The following BLVRB variants were observed in gnomAD, a reference collection of about 807,000 sequenced individuals.
BLVRB encodes the protein biliverdin reductase B, also known as flavin reductase (NADPH).
BLVRB carries 25 observed loss-of-function variants against 21.1 expected under a neutral mutation model. The ratio of observed to expected loss-of-function variants is 1.19; its 90% CI spans 0.86 to 1.66. The LOEUF (loss-of-function observed/expected upper bound fraction) is 1.66. Among genes scored for constraint, BLVRB ranks in the 40% most tolerant of loss-of-function variants. The pLI is 0.00. For synonymous variants in BLVRB, 128 were observed against 122.2 expected (o/e 1.05, Z -0.31); for missense variants, 274 against 282.7 (o/e 0.97, Z 0.22).
At chr19:40,459,986 A>G (rs1369648978) in intron 1 of BLVRB, among the ~76,000 whole-genome samples, 1 of 152,128 alleles carries the variant, frequency 6.6e-6, no homozygotes, top group East Asian at 1.9e-4. Flanking sequence ...TGGGTTGCCT[A>G]CAGACTGACC....
At chr19:40,454,468 G>A (rs115780764) in intron 3 of BLVRB, among the ~76,000 whole-genome samples, 13 of 152,112 alleles carry the variant, frequency 8.5e-5, no homozygotes, top group African/African-American at 3.1e-4. Flanking sequence ...GCGGTGCAGA[G>A]TGTGAAGTGG....
In BLVRB at chr19:40,465,632, G is replaced by A. The variant is rs1451849136; in HGVS notation, c.57C>T (p.Thr19=). The A allele has an allele frequency of 3.1e-6, 5 of 1,612,448 alleles. No individual in the cohort carries two copies. The African/African-American group carries it at 6.7e-5, about 22-fold the overall frequency. Residue 19 remains threonine, a synonymous_variant, in exon 1 of 5, where the codon ACC becomes ACT. Transcript: ENST00000263368. ...TGCCTGCTTGCACCGCCTGCGCCAG[G>A]GTGGTGAGCCCGGTCTGGCCAGTGG... ...FGATGQTGLT[T]LAQAVQAGYE... is the part of the protein sequence containing the mutation.
At chr19:40,458,611 T>C in intron 1 of BLVRB, 66 bp from the exon 2 acceptor site, 1 of 1,481,014 alleles carries the variant, frequency 6.8e-7, no homozygotes. Context: ...AGGAGCTGGG[T>C]CCTAGAAGCC....
intron 3 of BLVRB, among the ~76,000 whole-genome samples, chr19:40,456,750 G>C (rs1312048260): frequency 6.6e-6 from 1 of 152,040 alleles, no homozygotes; most frequent in Non-Finnish European, 1.5e-5. Flanking sequence ...AGCAGGGCAT[G>C]GTGGCAGGCG....
At chr19:40,448,607 AAAT>A (rs1250576010) in intron 4 of BLVRB, among the ~76,000 whole-genome samples, 554 of 41,286 alleles carry the variant, frequency 0.013, 3 homozygotes, top group African/African-American at 0.061. Flanking sequence ...CAACAACAAC[AAAT>A]ATATATATAT....
At chr19:40,456,289 G>A (rs2145779833) in intron 3 of BLVRB, among the ~76,000 whole-genome samples, 1 of 152,128 alleles carries the variant, frequency 6.6e-6, no homozygotes, top group South Asian at 2.1e-4. Flanking sequence ...TGGACTCAAT[G>A]GCTCATACCT....
intron 1 of BLVRB, among the ~76,000 whole-genome samples, chr19:40,460,247 C>CATATATATATATATATATATAT (rs57153004): frequency 6.2e-4 from 75 of 121,116 alleles, no homozygotes; most frequent in African/African-American, 2.2e-3. Flanking sequence ...GTAATAGCAA[C>CATATATATATATATATATATAT]ATATATATAT....
intron 1 of BLVRB, among the ~76,000 whole-genome samples, chr19:40,463,671 T>G (rs1001316195): frequency 2.0e-5 from 3 of 149,454 alleles, no homozygotes; most frequent in African/African-American, 7.4e-5. Flanking sequence ...GGTGCAGTGA[T>G]GCAATCTTAG....
At chr19:40,455,932 C>T (rs1272225445) in intron 3 of BLVRB, among the ~76,000 whole-genome samples, 3 of 151,596 alleles carry the variant, frequency 2.0e-5, no homozygotes, top group African/African-American at 7.3e-5. Flanking sequence ...GGCAACATGG[C>T]GAAACTCTAT....
chr19:40,458,016 A>G (rs774346586), intron 3 of BLVRB, 139 bp downstream of exon 3: 2 of 831,660 alleles, frequency 2.4e-6, no homozygotes, highest in Admixed American at 2.3e-5. Context: ...AGCATCACCC[A>G]GTAAGGTTCA....
chr19:40,448,084 C>G (rs550405658), intron 4 of BLVRB, 38 bp from the exon 5 acceptor site: 1 of 1,583,866 alleles, frequency 6.3e-7, no homozygotes, highest in Admixed American at 1.7e-5. Context: ...ATAAAGCAGA[C>G]ACCTTTCCCT....
chr19:40,453,617 G>A (rs2079750033), intron 3 of BLVRB, among the ~76,000 whole-genome samples: 1 of 152,208 alleles, frequency 6.6e-6, no homozygotes, highest in Non-Finnish European at 1.5e-5. Flanking sequence ...TAGTTAAAGA[G>A]CTTGGGTTTT....
intron 3 of BLVRB, among the ~76,000 whole-genome samples, chr19:40,456,012 T>G (rs1355149697): frequency 1.3e-5 from 2 of 152,026 alleles, no homozygotes; most frequent in Non-Finnish European, 2.9e-5. Flanking sequence ...AATAGATAGA[T>G]AGCTACAAAC....
chr19:40,458,120 C>G, intron 3 of BLVRB, 35 bp downstream of exon 3: 1 of 1,601,612 alleles, frequency 6.2e-7, no homozygotes, highest in Non-Finnish European at 8.5e-7. Flanking sequence ...CAGTACCCCC[C>G]AGTTCAGCCC....
At chr19:40,457,007 C>A (rs2079764778) in intron 3 of BLVRB, among the ~76,000 whole-genome samples, 1 of 152,022 alleles carries the variant, frequency 6.6e-6, no homozygotes, top group Non-Finnish European at 1.5e-5. Context: ...GACCTTGTCT[C>A]TACAAAAATA....
At chr19:40,465,586 T>A in intron 1 of BLVRB, 24 bp downstream of exon 1, 2 of 1,601,606 alleles carry the variant, frequency 1.2e-6, no homozygotes, top group East Asian at 2.3e-5. Flanking sequence ...TCCCGTGACA[T>A]GCCCCGCCCG....
intron 3 of BLVRB, among the ~76,000 whole-genome samples, chr19:40,453,827 C>CAGAAAATT (rs1264171178): frequency 4.6e-5 from 7 of 152,170 alleles, no homozygotes; most frequent in East Asian, 3.9e-4. Flanking sequence ...CCTGTCTCTA[C>CAGAAAATT]AGAAAATTAA....
intron 1 of BLVRB, among the ~76,000 whole-genome samples, chr19:40,462,147 C>T (rs2079790258): frequency 1.3e-5 from 2 of 152,344 alleles, no homozygotes; most frequent in South Asian, 4.1e-4. Flanking sequence ...GCTTCCTCAT[C>T]TCTGAAGTGA....
At chr19:40,450,561 T>G (rs2079734978) in intron 4 of BLVRB, 1 of 151,338 alleles carries the variant, frequency 6.6e-6, no homozygotes, top group Non-Finnish European at 1.5e-5. Context: ...TTTTTCTTTT[T>G]TTTTTTAGAC....
Sources: gnomAD v4.1 joint callset for allele counts (sites outside exome capture counted in the v4.1 genomes callset) on GRCh38, gnomAD v4.1.1 for gene constraint, MANE v1.5 for transcripts, NCBI Gene and HGNC (gene_info 2026-07-23, HGNC 2026-07-21) for gene names.